The following TNS3 variants were observed in gnomAD, a reference collection of about 807,000 sequenced individuals.
TNS3 encodes the protein tensin-3.
Under a neutral mutation model 140.9 loss-of-function variants are expected in TNS3, and 45 were observed. The ratio of observed to expected loss-of-function variants is 0.32; its 90% CI spans 0.25 to 0.41. The LOEUF is 0.41. TNS3 is among the 10% of genes least tolerant of loss of function. The pLI is 1.00. For missense variants in TNS3, 1,716 were observed against 1,906.7 expected (o/e 0.90, Z 1.86); for synonymous variants, 815 against 788.4 (o/e 1.03, Z -0.56).
intron 4 of TNS3, among the ~76,000 whole-genome samples, chr7:47,472,272 G>A (rs974274839): frequency 6.6e-6 from 1 of 152,156 alleles, no homozygotes; most frequent in Non-Finnish European, 1.5e-5. Flanking sequence ...TGAATTTCGG[G>A]GGAACACAAC....
chr7:47,314,275 T>A (rs1787268763), intron 20 of TNS3, among the ~76,000 whole-genome samples: 1 of 152,208 alleles, frequency 6.6e-6, no homozygotes, highest in African/African-American at 2.4e-5. Flanking sequence ...ACCTACACCC[T>A]GCAGGCGCTG....
intron 1 of TNS3, among the ~76,000 whole-genome samples, chr7:47,570,455 T>C (rs1800526614): frequency 1.3e-5 from 2 of 152,338 alleles, no homozygotes; most frequent in East Asian, 3.9e-4. Context: ...TCCAAGGAAA[T>C]ATCAGTAGGC....
chr7:47,514,088 A>G (rs2151901910), intron 2 of TNS3, among the ~76,000 whole-genome samples: 1 of 152,348 alleles, frequency 6.6e-6, no homozygotes, highest in African/African-American at 2.4e-5. Flanking sequence ...CAAGTTATAA[A>G]CAAGCCTGTG....
intron 17 of TNS3, among the ~76,000 whole-genome samples, chr7:47,356,182 C>T (rs1239414996): frequency 2.0e-5 from 3 of 152,330 alleles, no homozygotes; most frequent in East Asian, 1.9e-4. Context: ...GGGACACGCA[C>T]CTAAGTTGAG....
rs1388127215 is a variant in TNS3, at chr7:47,303,377, G to C, written c.3030C>G (p.Ser1010=). 1 of 1,613,774 alleles carries C rather than the reference G, an allele frequency of 6.2e-7. No homozygotes were observed. ...AGGCCTGGCTGCTGGGAGGCGCCAGGGAGTCCGGTGGCTCTGCTAGGGACA... is the reference window on the plus strand; with the variant it reads ...AGGCCTGGCTGCTGGGAGGCGCCAGCGAGTCCGGTGGCTCTGCTAGGGACA... ...HELSLAEPPD[S]LAPPSSQAFL... is the part of the protein sequence containing the mutation. The change falls in exon 22 of 31, where the codon TCC becomes TCG. Residue 1010 remains serine, a synonymous_variant. Coordinates refer to ENST00000311160, the MANE Select transcript of TNS3 (RefSeq NM_022748.12).
At chr7:47,388,392 G>A (rs1792196646) in intron 16 of TNS3, among the ~76,000 whole-genome samples, 1 of 152,224 alleles carries the variant, frequency 6.6e-6, no homozygotes, top group Non-Finnish European at 1.5e-5. Flanking sequence ...AGTCCCCATA[G>A]GTGGGAATTA....
intron 4 of TNS3, among the ~76,000 whole-genome samples, chr7:47,442,331 G>A (rs969000258): frequency 4.6e-5 from 7 of 152,226 alleles, no homozygotes; most frequent in Admixed American, 1.3e-4. Context: ...GGTAGGCATC[G>A]CTTGGCCTGC....
chr7:47,462,637 C>A (rs1340941661), intron 4 of TNS3, among the ~76,000 whole-genome samples: 1 of 152,114 alleles, frequency 6.6e-6, no homozygotes, highest in Non-Finnish European at 1.5e-5. Flanking sequence ...GCTGTCACTT[C>A]ATCTAGTTCA....
intron 4 of TNS3, among the ~76,000 whole-genome samples, chr7:47,449,183 T>A (rs1185365083): frequency 1.3e-5 from 2 of 152,230 alleles, no homozygotes; most frequent in Non-Finnish European, 2.9e-5. Flanking sequence ...CGGGTGCGTA[T>A]CCTGCAGGTG....
chr7:47,426,841 T>C (rs1280606651), intron 9 of TNS3, among the ~76,000 whole-genome samples: 1 of 152,082 alleles, frequency 6.6e-6, no homozygotes, highest in Non-Finnish European at 1.5e-5. Context: ...AATGCTCAGG[T>C]GTGGCTGGGC....
chr7:47,559,297 C>T (rs1800274466), intron 1 of TNS3, among the ~76,000 whole-genome samples: 1 of 152,110 alleles, frequency 6.6e-6, no homozygotes. Flanking sequence ...TTGCAGTGAG[C>T]CAAGATCACG....
At chr7:47,533,270 T>G (rs1799480851) in intron 1 of TNS3, among the ~76,000 whole-genome samples, 1 of 150,636 alleles carries the variant, frequency 6.6e-6, no homozygotes. Flanking sequence ...TAGCTGGGAT[T>G]ACAGGCACCC....
rs1798858063 is a variant in TNS3 at position 47,518,550 on chromosome 7, C to A, written c.-153+10486G>T. Among the ~76,000 whole-genome samples, 4 of 152,320 alleles carry A rather than the reference C, an allele frequency of 2.6e-5. No individual in the cohort carries two copies. The South Asian group carries it at 8.3e-4, about 32-fold the overall frequency. On this transcript the variant is annotated intron_variant, in intron 2 of 30. Coordinates refer to ENST00000311160, the MANE Select transcript of TNS3 (RefSeq NM_022748.12). Reference sequence around the variant, plus strand: ...TTTCTCGAAAAATAATCACTGGGGCCAGGCACAGAGGCCGACGCCTGAATT... The same window carrying A: ...TTTCTCGAAAAATAATCACTGGGGCAAGGCACAGAGGCCGACGCCTGAATT...
At chr7:47,566,972 A>T (rs1800442692) in intron 1 of TNS3, among the ~76,000 whole-genome samples, 2 of 144,592 alleles carry the variant, frequency 1.4e-5, no homozygotes. Context: ...GGGAGGTTGC[A>T]GTGAGCCAAG....
At position 47,350,268 on chromosome 7, in the gene TNS3, C is replaced by T. The variant is rs142552499; in HGVS notation, c.2282-3912G>A. Among the ~76,000 whole-genome samples the T allele has an allele frequency of 1.1e-4, 16 of 152,296 alleles. No individual in the cohort carries two copies. In the East Asian group the frequency reaches 2.9e-3, roughly 28 times the overall value. The stretch of plus-strand genomic sequence containing the variant: ...GCTGAGGAAGGGGCACTCTTCCTCC[C>T]GGACATGTCCTGATGGGGCAGCCAG... On this transcript the variant is annotated intron_variant, in intron 17 of 30. Transcript: ENST00000311160.
chr7:47,351,167 T>G (rs1052800454), intron 17 of TNS3, among the ~76,000 whole-genome samples: 25 of 152,192 alleles, frequency 1.6e-4, no homozygotes, highest in African/African-American at 6.0e-4. Flanking sequence ...TGTACTGAAT[T>G]TCCCTAAATC....
intron 20 of TNS3, among the ~76,000 whole-genome samples, chr7:47,322,567 C>A (rs1202658056): frequency 2.0e-5 from 3 of 151,828 alleles, no homozygotes; most frequent in African/African-American, 7.3e-5. Flanking sequence ...ATCAAAAAAA[C>A]AACCCAGTGA....
intron 20 of TNS3, 56 bp from the exon 21 acceptor site, chr7:47,305,059 T>C (rs1786666492): frequency 7.9e-7 from 1 of 1,271,050 alleles, no homozygotes; most frequent in African/African-American, 1.5e-5. Context: ...GGAGAAGTCA[T>C]AATCTCTGCT....
intron 1 of TNS3, among the ~76,000 whole-genome samples, chr7:47,560,868 A>G (rs1171567010): frequency 6.6e-6 from 1 of 152,182 alleles, no homozygotes; most frequent in Admixed American, 6.5e-5. Context: ...ATCCCCAAGC[A>G]ACCCTGTGTG....
Sources: allele counts gnomAD v4.1 joint callset (sites outside exome capture counted in the v4.1 genomes callset), GRCh38; gene constraint gnomAD v4.1.1; transcripts MANE v1.5; gene names NCBI Gene and HGNC (gene_info 2026-07-23, HGNC 2026-07-21).